The following ZNF221 variants were observed in gnomAD, a reference collection of about 807,000 sequenced individuals.
ZNF221 encodes the protein zinc finger protein 221.
A neutral mutation model predicts 12.6 loss-of-function variants in ZNF221; 10 were observed. The observed-to-expected ratio is 0.79, with a 90% CI of 0.49 to 1.34. ZNF221 has a LOEUF of 1.34. ZNF221 is among the 40% of genes most tolerant of loss of function. ZNF221 has a pLI of 0.00. For synonymous variants in ZNF221, 232 were observed against 244.0 expected (o/e 0.95, Z 0.46); for missense variants, 661 against 721.4 (o/e 0.92, Z 0.96).
downstream of ZNF221, among the ~76,000 whole-genome samples, chr19:43,972,682 C>T (rs1975121250): frequency 6.8e-6 from 1 of 147,652 alleles, no homozygotes; most frequent in South Asian, 2.1e-4. Flanking sequence ...AACATACACC[C>T]TCCTAAGGCT....
Position 43,965,096 on chromosome 19 carries a change from G to C in ZNF221, c.208+20G>C. The stretch of plus-strand genomic sequence containing the variant: ...CAGTAGGTGAGGACAGGCACCCTCT[G>C]TAACAGAATGTTAGGCCCCAGGAAT... On this transcript the variant is annotated intron_variant, in intron 3 of 4. Coordinates refer to ENST00000587682, the MANE Select transcript of ZNF221 (RefSeq NM_001297588.2). 6.2e-7 allele frequency: 1 copy of C among 1,612,288 alleles called. No homozygotes were observed. The highest frequency in any genetic ancestry group is 8.5e-7 in the Non-Finnish European group (1 of 1,178,978).
intron 1 of ZNF221, among the ~76,000 whole-genome samples, chr19:43,952,075 G>A (rs1284638764): frequency 2.6e-5 from 4 of 150,954 alleles, no homozygotes; most frequent in Non-Finnish European, 1.5e-5. Flanking sequence ...GGGTTTCACC[G>A]TGTTAGCCAG....
chr19:43,966,829 T>G lies in ZNF221; in HGVS notation c.1327T>G (p.Ser443Ala). 6.2e-7 allele frequency: 1 copy of G among 1,614,138 alleles called. No homozygotes were observed. Among genetic ancestry groups the G allele is most frequent in the Non-Finnish European group, 8.5e-7 (1 of 1,180,020 alleles). ...TTCACGACGATCTTCCCATCAGAGA[T>G]CCCACAATGGAGAAAAGCCATATAA... ...TNSRRSSHQR[S>A]HNGEKPYNCE... Residue 443 changes from serine to alanine, a missense_variant, in exon 5 of 5, where the codon TCC becomes GCC. Physicochemically the swap from Ser to Ala is moderately conservative, Grantham distance 99 (BLOSUM62 1). Coordinates refer to ENST00000587682, the MANE Select transcript of ZNF221 (RefSeq NM_001297588.2).
At chr19:43,954,083 CAAAAAAAAA>C (rs5828186) in intron 1 of ZNF221, among the ~76,000 whole-genome samples, 1 of 86,674 alleles carries the variant, frequency 1.2e-5, no homozygotes, top group African/African-American at 4.6e-5. Flanking sequence ...GACTCCGTCT[CAAAAAAAAA>C]AAAAAAAAAA....
intron 1 of ZNF221, among the ~76,000 whole-genome samples, chr19:43,956,560 G>C (rs1974757552): frequency 5.9e-5 from 1 of 16,808 alleles, no homozygotes; most frequent in Admixed American, 8.7e-4. Flanking sequence ...TGAGCCAAAG[G>C]ACCCTGGCTC....
In ZNF221 at chr19:43,966,271, G is replaced by T. The variant is rs1413023849; in HGVS notation, c.769G>T (p.Gly257Trp). 3.7e-6 allele frequency: 6 copies of T among 1,613,886 alleles called. No individual in the cohort carries two copies. In the African/African-American group the frequency reaches 4.0e-5, roughly 11 times the overall value. ...VHTGEKPFKC[G>W]QCGKGFHSRS... ...TACTGGAGAGAAACCATTCAAATGT[G>T]GGCAATGTGGGAAAGGCTTCCATAG... Residue 257 changes from glycine to tryptophan, a missense_variant, in exon 5 of 5, where the codon GGG (glycine) becomes TGG (tryptophan). Gly to Trp is a radical substitution (Grantham distance 184). Coordinates refer to ENST00000587682, the MANE Select transcript of ZNF221 (RefSeq NM_001297588.2).
chr19:43,975,006 A>C, the ZNF221 span, among the ~76,000 whole-genome samples: 1 of 151,952 alleles, frequency 6.6e-6, no homozygotes, highest in Non-Finnish European at 1.5e-5. Context: ...CCTGGGCAAC[A>C]GTGAAACTGT....
the ZNF221 span, among the ~76,000 whole-genome samples, chr19:43,980,697 G>T: frequency 6.6e-6 from 1 of 152,166 alleles, no homozygotes; most frequent in East Asian, 1.9e-4. Flanking sequence ...TCCCTTCTGG[G>T]TGTAGGGCAA....
intron 1 of ZNF221, among the ~76,000 whole-genome samples, chr19:43,954,348 C>G (rs1204803954): frequency 6.6e-6 from 1 of 152,136 alleles, no homozygotes; most frequent in East Asian, 1.9e-4. Flanking sequence ...CAATTCATAA[C>G]TCATTTATTC....
rs983926120 is a variant in ZNF221, at chr19:43,966,193, T to C, written c.691T>C (p.Cys231Arg). 37 of 1,614,066 alleles carry C rather than the reference T, an allele frequency of 2.3e-5. No homozygotes were observed. Among genetic ancestry groups the C allele is most frequent in the Non-Finnish European group, 3.0e-5 (35 of 1,180,048 alleles). Residue 231 changes from cysteine (C) to arginine (R), a missense_variant, in exon 5 of 5, where the codon TGT becomes CGT. Transcript: ENST00000587682. The part of the protein sequence containing the change: ...MGEKCYKCDV[C>R]GKEFNQSSHL... The stretch of plus-strand genomic sequence containing the variant: ...AGAAAAATGCTATAAGTGTGATGTG[T>C]GTGGTAAGGAATTTAATCAGAGCTC...
In ZNF221 at chr19:43,967,463, T is replaced by C; in HGVS notation, c.*107T>C. 2.3e-6 allele frequency: 2 copies of C among 881,664 alleles called. No homozygotes were observed. Among genetic ancestry groups the C allele is most frequent in the East Asian group, 4.9e-5 (2 of 41,132 alleles). The allele number at this position is 881,664 out of a possible 1,614,324, so 54.6% of individuals were successfully genotyped here. On this transcript the variant is annotated 3_prime_UTR_variant, in exon 5 of 5. Coordinates refer to ENST00000587682, the MANE Select transcript of ZNF221 (RefSeq NM_001297588.2). ...AAATATGAGAACTGTGGGAAGAGCT[T>C]TGTACATAGATCATATCTTTTTTTT...
chr19:43,951,844 G>A lies in ZNF221; in HGVS notation c.-3+444G>A, dbSNP rs571332341. Among the ~76,000 whole-genome samples, 125 of 117,222 alleles carry A rather than the reference G, an allele frequency of 1.1e-3. 1 individual carries two copies. In the South Asian group the frequency reaches 0.024, roughly 23 times the overall value. 76.9% of individuals were successfully genotyped at this position (117,222 alleles called of 152,430 possible). Reference sequence around the variant, plus strand: ...CGCTGGAAAATTCTGGACAGTCTTTGACCTCTTTTTTTTTTTTTTTTTTTT... The same window carrying A: ...CGCTGGAAAATTCTGGACAGTCTTTAACCTCTTTTTTTTTTTTTTTTTTTT... On this transcript the variant is annotated intron_variant, in intron 1 of 4. Transcript: ENST00000587682.
At chr19:43,952,492 A>G (rs1251080296) in intron 1 of ZNF221, among the ~76,000 whole-genome samples, 1 of 152,268 alleles carries the variant, frequency 6.6e-6, no homozygotes, top group Non-Finnish European at 1.5e-5. Context: ...GGCTTTATAC[A>G]AAGAAATTCA....
At chr19:43,954,138 T>C (rs922813537) in intron 1 of ZNF221, among the ~76,000 whole-genome samples, 2 of 147,864 alleles carry the variant, frequency 1.4e-5, no homozygotes, top group Admixed American at 1.3e-4. Context: ...CACCACATTA[T>C]CAGAATCCCA....
the ZNF221 span, among the ~76,000 whole-genome samples, chr19:43,979,791 A>T: frequency 3.3e-5 from 5 of 152,334 alleles, no homozygotes; most frequent in Middle Eastern, 3.4e-3. Flanking sequence ...GTGGTTCTAG[A>T]GGAAGAGAAT....
chr19:43,966,192 G>A lies in ZNF221; in HGVS notation c.690G>A (p.Val230=), dbSNP rs1167468680. The A allele has an allele frequency of 1.2e-6, 2 of 1,614,062 alleles. No homozygotes were observed. The highest frequency in any genetic ancestry group is 2.7e-5 in the African/African-American group (2 of 74,920). Residue 230 remains valine (V), a synonymous_variant, in exon 5 of 5, where the codon GTG becomes GTA. Coordinates refer to ENST00000587682, the MANE Select transcript of ZNF221 (RefSeq NM_001297588.2). The part of the protein sequence containing the change: ...HMGEKCYKCD[V]CGKEFNQSSH... ...GAGAAAAATGCTATAAGTGTGATGT[G>A]TGTGGTAAGGAATTTAATCAGAGCT...
downstream of ZNF221, among the ~76,000 whole-genome samples, chr19:43,971,645 TAAAAAAAA>T (rs55735919): frequency 4.0e-5 from 6 of 148,578 alleles, no homozygotes; most frequent in African/African-American, 1.2e-4. Flanking sequence ...CCAACAAAGA[TAAAAAAAA>T]AAAAAAAGAC....
At position 43,965,917 on chromosome 19, in the gene ZNF221, T is replaced by A. The variant is rs1356639458; in HGVS notation, c.415T>A (p.Ser139Thr). ...IASDLTRSQN[S>T]IRNSSQFFKE... ...AAGTGACCTAACCAGGTCTCAAAAC[T>A]CCATAAGGAACAGCTCTCAGTTCTT... The change falls in exon 5 of 5, where the codon TCC (serine) becomes ACC (threonine). Residue 139 changes from serine to threonine, a missense_variant. Physicochemically the swap from Ser to Thr is moderately conservative, Grantham distance 58. Coordinates refer to ENST00000587682, the MANE Select transcript of ZNF221 (RefSeq NM_001297588.2). 1 of 1,614,080 alleles carries A rather than the reference T, an allele frequency of 6.2e-7. No individual in the cohort carries two copies. Among genetic ancestry groups the A allele is most frequent in the African/African-American group, 1.3e-5 (1 of 75,004 alleles).
At chr19:43,974,643 A>G in the ZNF221 span, among the ~76,000 whole-genome samples, 5 of 152,336 alleles carry the variant, frequency 3.3e-5, no homozygotes, top group South Asian at 1.0e-3. Flanking sequence ...AAAAAGCTCA[A>G]CATCACTATC....
Sources: allele counts gnomAD v4.1 joint callset (sites outside exome capture counted in the v4.1 genomes callset), GRCh38; gene constraint gnomAD v4.1.1; transcripts MANE v1.5; gene names NCBI Gene and HGNC (gene_info 2026-07-23, HGNC 2026-07-21).